The following ULK4 variants were observed in gnomAD, a reference collection of about 807,000 sequenced individuals.
ULK4 encodes the protein unc-51 like kinase 4.
ULK4 carries 133 observed loss-of-function variants against 160.6 expected under a neutral mutation model. That is an observed-to-expected ratio of 0.83 (90% confidence interval 0.72 to 0.96). ULK4 has a LOEUF of 0.96. Among genes scored for constraint, ULK4 ranks in the 40% least tolerant of loss-of-function variants. ULK4 has a pLI of 0.00. For missense variants in ULK4, 1,580 were observed against 1,499.5 expected (o/e 1.05, Z -0.89); for synonymous variants, 534 against 539.8 (o/e 0.99, Z 0.15).
chr3:41,440,071 CTTTA>C (rs1203235686), intron 34 of ULK4, among the ~76,000 whole-genome samples: 2 of 152,134 alleles, frequency 1.3e-5, no homozygotes, highest in African/African-American at 2.4e-5. Flanking sequence ...GGACAGACTT[CTTTA>C]TTTAATTTCT....
At chr3:41,669,259 G>A (rs778313038) in intron 29 of ULK4, among the ~76,000 whole-genome samples, 17 of 152,064 alleles carry the variant, frequency 1.1e-4, no homozygotes, top group Non-Finnish European at 1.8e-4. Flanking sequence ...TAAGGGTCGG[G>A]GGGAGAGACA....
intron 34 of ULK4, among the ~76,000 whole-genome samples, chr3:41,417,250 T>A (rs2082548208): frequency 6.6e-6 from 1 of 152,144 alleles, no homozygotes; most frequent in Non-Finnish European, 1.5e-5. Flanking sequence ...AGCTTTCTAC[T>A]AGTAACTGAG....
rs147199199 is a variant in ULK4, at chr3:41,574,628, G to A, written c.3121-8498C>T. On this transcript the variant is annotated intron_variant, in intron 31 of 36. Coordinates refer to ENST00000301831, the MANE Select transcript of ULK4 (RefSeq NM_017886.4). ...AAGATCTCAGCTCAATGCAAGCTCC[G>A]CCTCCCGGGTTCATGCCATTCTCCT... Among the ~76,000 whole-genome samples the A allele has an allele frequency of 8.3e-3, 1,147 of 138,070 alleles. 4 individuals are homozygous for A. The highest frequency in any genetic ancestry group is 0.012 in the Non-Finnish European group (787 of 65,650). The allele number at this position is 138,070 out of a possible 152,430, so 90.6% of individuals were successfully genotyped here.
intron 1 of ULK4, 179 bp downstream of exon 1, chr3:41,961,836 CT>C: frequency 6.6e-6 from 1 of 152,658 alleles, no homozygotes; most frequent in Non-Finnish European, 1.5e-5. Flanking sequence ...AAACGGGCGG[CT>C]TTTTTAACAC....
At chr3:41,832,990 C>G (rs922831919) in intron 18 of ULK4, among the ~76,000 whole-genome samples, 3 of 151,638 alleles carry the variant, frequency 2.0e-5, no homozygotes, top group African/African-American at 4.8e-5. Flanking sequence ...TTGTTCTTTT[C>G]GCTTAGGATT....
chr3:41,856,397 T>C (rs1220001083), intron 17 of ULK4, among the ~76,000 whole-genome samples: 1 of 150,680 alleles, frequency 6.6e-6, no homozygotes, highest in Non-Finnish European at 1.5e-5. Context: ...ATGTAAAATA[T>C]GGCAACCTAT....
intron 32 of ULK4, among the ~76,000 whole-genome samples, chr3:41,477,429 A>G (rs1220925463): frequency 6.6e-6 from 1 of 152,236 alleles, no homozygotes; most frequent in Non-Finnish European, 1.5e-5. Flanking sequence ...AATCAAAGGT[A>G]ACCTTCCTGC....
At chr3:41,602,185 C>G (rs972027871) in intron 31 of ULK4, among the ~76,000 whole-genome samples, 1 of 148,262 alleles carries the variant, frequency 6.7e-6, no homozygotes, top group Non-Finnish European at 1.5e-5. Flanking sequence ...CAGAGCAAGA[C>G]TCTGTCTGTA....
intron 31 of ULK4, among the ~76,000 whole-genome samples, chr3:41,577,062 G>GT (rs1013517923): frequency 6.6e-6 from 1 of 152,216 alleles, no homozygotes; most frequent in African/African-American, 2.4e-5. Context: ...AGTTTACCAA[G>GT]TGTTGGTACT....
At chr3:41,257,569 G>A (rs1051611752) in intron 35 of ULK4, among the ~76,000 whole-genome samples, 2 of 151,608 alleles carry the variant, frequency 1.3e-5, no homozygotes, top group Middle Eastern at 3.2e-3. Flanking sequence ...GGAGGTCAAG[G>A]CTTCAGTGAG....
intron 12 of ULK4, 78 bp from the exon 13 acceptor site, chr3:41,900,907 AG>A (rs1698329543): frequency 3.7e-5 from 37 of 987,634 alleles, no homozygotes; most frequent in Non-Finnish European, 5.7e-5. Flanking sequence ...TAAGATGCTG[AG>A]GAAGACACCA....
chr3:41,898,791 A>G (rs1257492579), intron 13 of ULK4, among the ~76,000 whole-genome samples: 1 of 152,272 alleles, frequency 6.6e-6, no homozygotes, highest in Non-Finnish European at 1.5e-5. Flanking sequence ...CAGTCATTCA[A>G]CAAATATCTA....
chr3:41,643,595 C>A (rs970754359), intron 30 of ULK4, among the ~76,000 whole-genome samples: 5 of 152,052 alleles, frequency 3.3e-5, no homozygotes, highest in Non-Finnish European at 7.4e-5. Flanking sequence ...GTTACTGTAG[C>A]CTTGTAGTAT....
intron 1 of ULK4, among the ~76,000 whole-genome samples, chr3:41,957,147 G>T (rs1700509249): frequency 6.6e-6 from 1 of 152,130 alleles, no homozygotes; most frequent in Non-Finnish European, 1.5e-5. Context: ...TTTAATCTAA[G>T]TAATTCATTA....
chr3:41,512,571 G>A (rs9853031), intron 32 of ULK4, among the ~76,000 whole-genome samples: 38,961 of 151,988 alleles, frequency 0.26, 5,246 homozygotes, highest in African/African-American at 0.31. Context: ...TAACCAAGGA[G>A]GTGAAAGACC....
chr3:41,272,990 T>C (rs2079164314), intron 35 of ULK4, among the ~76,000 whole-genome samples: 1 of 152,236 alleles, frequency 6.6e-6, no homozygotes, highest in Non-Finnish European at 1.5e-5. Context: ...GTTGTAACTT[T>C]TAACATCCTT....
At chr3:41,796,153 T>C (rs565825716) in intron 20 of ULK4, among the ~76,000 whole-genome samples, 4 of 152,156 alleles carry the variant, frequency 2.6e-5, no homozygotes, top group South Asian at 2.1e-4. Flanking sequence ...TGGGGTAATA[T>C]GGAGGAGGCC....
chr3:41,328,400 C>CA (rs1350089303), intron 35 of ULK4, among the ~76,000 whole-genome samples: 3 of 151,658 alleles, frequency 2.0e-5, no homozygotes, highest in Non-Finnish European at 2.9e-5. Context: ...CAGAGGGATG[C>CA]AAAAAACGAG....
chr3:41,520,312 T>C (rs1392793707), intron 32 of ULK4, among the ~76,000 whole-genome samples: 1 of 151,998 alleles, frequency 6.6e-6, no homozygotes, highest in East Asian at 1.9e-4. Flanking sequence ...CATAACAATA[T>C]TTGTTCTTCT....
Sources: allele counts gnomAD v4.1 joint callset (sites outside exome capture counted in the v4.1 genomes callset), GRCh38; gene constraint gnomAD v4.1.1; transcripts MANE v1.5; gene names NCBI Gene and HGNC (gene_info 2026-07-23, HGNC 2026-07-21).